The following RUNDC3B variants were observed in gnomAD, a reference collection of about 807,000 sequenced individuals.
RUNDC3B encodes the protein RUN domain-containing protein 3B.
A neutral mutation model predicts 58.4 loss-of-function variants in RUNDC3B; 33 were observed. The ratio of observed to expected loss-of-function variants is 0.56; its 90% confidence interval spans 0.43 to 0.75. The LOEUF is 0.75. Among genes scored for constraint, RUNDC3B ranks in the 30% least tolerant of loss-of-function variants. RUNDC3B has a pLI of 0.00. For synonymous variants in RUNDC3B, 193 were observed against 195.2 expected, an observed-to-expected ratio of 0.99 and a Z score of 0.10; for missense variants, 501 against 535.7, an observed-to-expected ratio of 0.94 and a Z score of 0.64.
At chr7:87,767,117 A>G (rs1834017210) in intron 6 of RUNDC3B, among the ~76,000 whole-genome samples, 1 of 151,598 alleles carries the variant, frequency 6.6e-6, no homozygotes, top group Non-Finnish European at 1.5e-5. Context: ...TATCTACCTA[A>G]CTCATCTTTC....
intron 4 of RUNDC3B, among the ~76,000 whole-genome samples, chr7:87,722,541 A>G (rs1463422949): frequency 2.0e-5 from 3 of 152,206 alleles, no homozygotes; most frequent in Non-Finnish European, 2.9e-5. Context: ...TTAACAGACA[A>G]GAAAGTTAGT....
At chr7:87,817,487 C>G (rs1456650888) in intron 10 of RUNDC3B, among the ~76,000 whole-genome samples, 1 of 152,200 alleles carries the variant, frequency 6.6e-6, no homozygotes, top group Non-Finnish European at 1.5e-5. Flanking sequence ...TCATTTCATA[C>G]CATTCTTTTC....
intron 7 of RUNDC3B, among the ~76,000 whole-genome samples, chr7:87,772,932 T>C (rs73200334): frequency 2.0e-5 from 3 of 152,028 alleles, no homozygotes; most frequent in Non-Finnish European, 2.9e-5. Flanking sequence ...ACTAGATAGA[T>C]ACTAACTAAA....
chr7:87,693,846 G>A (rs1828235464), intron 2 of RUNDC3B: 2 of 1,547,600 alleles, frequency 1.3e-6, no homozygotes, highest in Non-Finnish European at 1.8e-6. Context: ...GTTTGGAACT[G>A]TAAACATGAT....
At chr7:87,742,524 ATGC>A (rs1832384396) in intron 6 of RUNDC3B, among the ~76,000 whole-genome samples, 1 of 152,100 alleles carries the variant, frequency 6.6e-6, no homozygotes, top group Non-Finnish European at 1.5e-5. Context: ...GTCATCACAA[ATGC>A]TGTTAATGCA....
At chr7:87,791,634 G>T (rs1835526835) in intron 8 of RUNDC3B, among the ~76,000 whole-genome samples, 1 of 151,908 alleles carries the variant, frequency 6.6e-6, no homozygotes, top group South Asian at 2.1e-4. Flanking sequence ...TTTATGTAAT[G>T]AATGTCATCA....
intron 10 of RUNDC3B, among the ~76,000 whole-genome samples, chr7:87,818,076 G>C (rs1447752377): frequency 6.6e-6 from 1 of 151,876 alleles, no homozygotes; most frequent in Non-Finnish European, 1.5e-5. Context: ...TAGTAACTTG[G>C]ATTCACTGTC....
intron 1 of RUNDC3B, among the ~76,000 whole-genome samples, chr7:87,632,821 G>C (rs540310809): frequency 3.6e-4 from 55 of 152,196 alleles, no homozygotes; most frequent in African/African-American, 1.3e-3. Flanking sequence ...AATGTCTTAT[G>C]AGCAAATTAT....
Position 87,830,123 on chromosome 7 carries a change from C to G in RUNDC3B, c.*93C>G. On this transcript the variant is annotated 3_prime_UTR_variant, in exon 11 of 11. Coordinates refer to ENST00000394654, the MANE Select transcript of RUNDC3B (RefSeq NM_001134405.2). Reference sequence around the variant, plus strand: ...AAGACCTTTGAAATTTTATATTGTTCTGGTACATGTCTGAAATTCTATTGC... The same window carrying G: ...AAGACCTTTGAAATTTTATATTGTTGTGGTACATGTCTGAAATTCTATTGC... The G allele has an allele frequency of 1.5e-6, 1 of 657,792 alleles. No homozygotes were observed. The highest frequency in any genetic ancestry group is 2.4e-6 in the Non-Finnish European group (1 of 420,890). 40.7% of individuals were successfully genotyped at this position (657,792 alleles called of 1,614,324 possible).
chr7:87,709,708 C>CAT (rs1212281440), intron 3 of RUNDC3B, among the ~76,000 whole-genome samples: 1 of 152,084 alleles, frequency 6.6e-6, no homozygotes, highest in Non-Finnish European at 1.5e-5. Flanking sequence ...AGTTGACAAT[C>CAT]ATATATATTG....
At chr7:87,714,352 A>G (rs28381711) in intron 4 of RUNDC3B, among the ~76,000 whole-genome samples, 1,948 of 152,264 alleles carry the variant, frequency 0.013, 43 homozygotes, top group African/African-American at 0.044. Context: ...TAGTGAGGGC[A>G]GGGGTAGGTT....
chr7:87,702,032 A>G (rs1043857790), intron 3 of RUNDC3B, among the ~76,000 whole-genome samples: 2 of 150,256 alleles, frequency 1.3e-5, no homozygotes, highest in Admixed American at 1.3e-4. Flanking sequence ...AATCCCAGCT[A>G]CTTGGGAGGC....
intron 4 of RUNDC3B, among the ~76,000 whole-genome samples, chr7:87,712,575 G>T (rs2130748976): frequency 6.6e-6 from 1 of 152,030 alleles, no homozygotes; most frequent in African/African-American, 2.4e-5. Context: ...TGTTAGTCTT[G>T]TTTCTTAGTT....
At chr7:87,828,111 G>T (rs1837931002) in intron 10 of RUNDC3B, among the ~76,000 whole-genome samples, 1 of 152,084 alleles carries the variant, frequency 6.6e-6, no homozygotes, top group African/African-American at 2.4e-5. Context: ...CCCTCCACCT[G>T]GGTATAAACC....
At chr7:87,692,580 G>T (rs1386227958) in intron 2 of RUNDC3B, among the ~76,000 whole-genome samples, 1 of 152,102 alleles carries the variant, frequency 6.6e-6, no homozygotes, top group South Asian at 2.1e-4. Context: ...TGCTTATTTG[G>T]TACATTTTTG....
intron 8 of RUNDC3B, among the ~76,000 whole-genome samples, chr7:87,780,163 G>T (rs1186617389): frequency 2.0e-5 from 3 of 152,124 alleles, no homozygotes; most frequent in Non-Finnish European, 4.4e-5. Context: ...GGTATTGCTG[G>T]GTTGAATGGT....
At position 87,713,646 on chromosome 7, in the gene RUNDC3B, T is replaced by TA. The variant is rs527802276; in HGVS notation, c.458+3009dup. ...GCAGAATGAAGATTAGAATCTAAGC[T>TA]AAAAAAAAAAAAAAAAAAGAGAGAG... On this transcript the variant is annotated intron_variant, in intron 4 of 10. Coordinates refer to ENST00000394654, the MANE Select transcript of RUNDC3B (RefSeq NM_001134405.2). Among the ~76,000 whole-genome samples, 801 of 97,960 alleles carry TA rather than the reference T, an allele frequency of 8.2e-3. 4 individuals are homozygous for TA. The highest frequency in any genetic ancestry group is 0.02 in the African/African-American group (512 of 26,176). The allele number at this position is 97,960 out of a possible 152,430, so 64.3% of individuals were successfully genotyped here.
intron 3 of RUNDC3B, chr7:87,709,258 T>C (rs968576966): frequency 6.4e-5 from 63 of 985,302 alleles, no homozygotes; most frequent in Non-Finnish European, 7.6e-5. Context: ...CTGTGCTGAA[T>C]TGTCTCTGGA....
intron 8 of RUNDC3B, among the ~76,000 whole-genome samples, chr7:87,785,135 C>T (rs1419595294): frequency 6.6e-6 from 1 of 151,998 alleles, no homozygotes; most frequent in Non-Finnish European, 1.5e-5. Flanking sequence ...CTGTGGGATC[C>T]CCCAAACAGA....
Sources: gnomAD v4.1 joint callset for allele counts (sites outside exome capture counted in the v4.1 genomes callset) on GRCh38, gnomAD v4.1.1 for gene constraint, MANE v1.5 for transcripts, NCBI Gene and HGNC (gene_info 2026-07-23, HGNC 2026-07-21) for gene names.